Variants in PTPN12 observed in about 807,000 individuals in gnomAD.
PTPN12 encodes protein tyrosine phosphatase non-receptor type 12, also known as tyrosine-protein phosphatase non-receptor type 12.
In PTPN12, 29 loss-of-function variants were observed where a neutral mutation model predicts 97.6. The observed-to-expected ratio is 0.30, with a 90% CI of 0.22 to 0.41. PTPN12 has a LOEUF of 0.41. PTPN12 is among the 10% of genes least tolerant of loss of function. The pLI is 1.00. For synonymous variants in PTPN12, 327 were observed against 300.4 expected, an observed-to-expected ratio of 1.09 and a Z score of -0.91; for missense variants, 819 against 926.0, an observed-to-expected ratio of 0.88 and a Z score of 1.50.
At chr7:77,543,974 C>A (rs1033131841) in intron 1 of PTPN12, among the ~76,000 whole-genome samples, 1 of 152,132 alleles carries the variant, frequency 6.6e-6, no homozygotes, top group African/African-American at 2.4e-5. Context: ...CAGCTATGAA[C>A]ATTTGTGTAC....
At chr7:77,625,215 AAGCCTGGGCAACAT>A (rs1319542736) in intron 12 of PTPN12, among the ~76,000 whole-genome samples, 3 of 152,044 alleles carry the variant, frequency 2.0e-5, no homozygotes, top group African/African-American at 7.2e-5. Flanking sequence ...AAAAGCAACA[AAGCCTGGGCAACAT>A]AGTAAACCCT....
intron 5 of PTPN12, among the ~76,000 whole-genome samples, chr7:77,591,579 G>A (rs1054586271): frequency 6.6e-6 from 1 of 152,186 alleles, no homozygotes; most frequent in African/African-American, 2.4e-5. Context: ...TCATGTTTGT[G>A]TAGGGCTTTT....
chr7:77,573,490 TCTC>T (rs1210698054), intron 2 of PTPN12, among the ~76,000 whole-genome samples: 1 of 152,178 alleles, frequency 6.6e-6, no homozygotes, highest in African/African-American at 2.4e-5. Flanking sequence ...AATCTAATCA[TCTC>T]CTAAAGGCCC....
At chr7:77,579,552 A>G (rs1185333149) in intron 2 of PTPN12, among the ~76,000 whole-genome samples, 8 of 152,206 alleles carry the variant, frequency 5.3e-5, no homozygotes, top group Admixed American at 6.5e-5. Flanking sequence ...TCATTGTCTT[A>G]TGGTTATATA....
Position 77,589,462 on chromosome 7 carries a change from C to A in PTPN12, c.421-2723C>A, listed in dbSNP as rs73706210. Among the ~76,000 whole-genome samples the A allele has an allele frequency of 7.4e-3, 1,122 of 152,150 alleles. 14 individuals carry two copies. Among genetic ancestry groups the A allele is most frequent in the African/African-American group, 0.025 (1,058 of 41,532 alleles). ...AAATATGGCATACAAATCAAACTTACAAATTACATAGTGATTTTATTTGAA... is the reference window on the plus strand; with the variant it reads ...AAATATGGCATACAAATCAAACTTAAAAATTACATAGTGATTTTATTTGAA... On this transcript the variant is annotated intron_variant, in intron 5 of 17. Coordinates refer to ENST00000248594, the MANE Select transcript of PTPN12 (RefSeq NM_002835.4).
chr7:77,629,328 T>C (rs1281920135), intron 13 of PTPN12, among the ~76,000 whole-genome samples: 1 of 152,234 alleles, frequency 6.6e-6, no homozygotes, highest in Non-Finnish European at 1.5e-5. Context: ...GAAGGATCTT[T>C]AGAAGATAAT....
chr7:77,624,501 G>T (rs1257220941), intron 12 of PTPN12, among the ~76,000 whole-genome samples: 1 of 151,816 alleles, frequency 6.6e-6, no homozygotes. Flanking sequence ...GTGCAGTGGC[G>T]TGATCTCAGC....
chr7:77,564,215 T>A (rs546091123), intron 1 of PTPN12: 1 of 159,000 alleles, frequency 6.3e-6, no homozygotes, highest in East Asian at 1.9e-4. Context: ...TTTGTAAAGT[T>A]AGAGATAAAA....
intron 11 of PTPN12, among the ~76,000 whole-genome samples, chr7:77,611,795 T>A (rs1420013534): frequency 6.6e-6 from 1 of 152,232 alleles, no homozygotes. Flanking sequence ...AGAGCCACAG[T>A]TAACTCCCTT....
intron 1 of PTPN12, chr7:77,563,832 A>T: frequency 3.6e-6 from 1 of 275,142 alleles, no homozygotes; most frequent in East Asian, 1.3e-4. Context: ...ATATTTTGCA[A>T]CTAAAGGTAG....
intron 12 of PTPN12, 57 bp from the exon 13 acceptor site, chr7:77,626,648 C>G: frequency 6.7e-7 from 1 of 1,495,808 alleles, no homozygotes; most frequent in Non-Finnish European, 9.0e-7. Flanking sequence ...ACATAATTCT[C>G]AGGTATCAAC....
chr7:77,538,229 G>T, intron 1 of PTPN12: 4 of 400,664 alleles, frequency 1.0e-5, no homozygotes, highest in Non-Finnish European at 1.4e-5. Flanking sequence ...TGCCCATAAG[G>T]AATCTCATGG....
intron 12 of PTPN12, 104 bp downstream of exon 12, chr7:77,618,669 T>C (rs1788834385): frequency 1.3e-6 from 1 of 770,326 alleles, no homozygotes; most frequent in Non-Finnish European, 2.0e-6. Context: ...TTTATAACTT[T>C]TATTATTATT....
chr7:77,579,613 C>T (rs1787448883), intron 2 of PTPN12, among the ~76,000 whole-genome samples: 1 of 152,156 alleles, frequency 6.6e-6, no homozygotes, highest in South Asian at 2.1e-4. Context: ...ATTCTCTGTA[C>T]TATTTTTACA....
chr7:77,598,779 A>G (rs930149483), intron 7 of PTPN12, among the ~76,000 whole-genome samples: 8 of 151,550 alleles, frequency 5.3e-5, no homozygotes, highest in African/African-American at 1.9e-4. Flanking sequence ...TTGCTAGAAA[A>G]TTATTTTGCT....
At chr7:77,557,847 A>G (rs765402012) in intron 1 of PTPN12, among the ~76,000 whole-genome samples, 2 of 152,214 alleles carry the variant, frequency 1.3e-5, no homozygotes, top group Non-Finnish European at 2.9e-5. Context: ...ATTGAAGTTA[A>G]TCATCATTAA....
rs73706217 is a variant in PTPN12 at position 77,610,353 on chromosome 7, C to T, written c.763-412C>T. Among the ~76,000 whole-genome samples the T allele has an allele frequency of 7.3e-3, 1,111 of 152,290 alleles. 13 individuals are homozygous for T. Among genetic ancestry groups the T allele is most frequent in the African/African-American group, 0.025 (1,047 of 41,564 alleles). On this transcript the variant is annotated intron_variant, in intron 9 of 17. Coordinates refer to ENST00000248594, the MANE Select transcript of PTPN12 (RefSeq NM_002835.4). ...CTCCTCCTTTGAGTACCTTCTCCTT[C>T]TTTTAGTCTTAGGCTTTGTTTACAT... is the stretch of plus-strand genomic sequence containing the variant.
At chr7:77,570,158 A>C (rs1035672920) in intron 1 of PTPN12, among the ~76,000 whole-genome samples, 1 of 152,206 alleles carries the variant, frequency 6.6e-6, no homozygotes, top group African/African-American at 2.4e-5. Context: ...TTCCTGTTGT[A>C]GGTCTCTAGT....
intron 12 of PTPN12, among the ~76,000 whole-genome samples, chr7:77,624,793 T>C (rs535228129): frequency 5.3e-5 from 8 of 152,036 alleles, no homozygotes; most frequent in East Asian, 1.9e-4. Flanking sequence ...CTGCCAGTTA[T>C]CTGGTTGGAT....
Sources: allele counts gnomAD v4.1 joint callset (sites outside exome capture counted in the v4.1 genomes callset), GRCh38; gene constraint gnomAD v4.1.1; transcripts MANE v1.5; gene names NCBI Gene and HGNC (gene_info 2026-07-23, HGNC 2026-07-21).